Variants in PRKCE observed in about 807,000 individuals in gnomAD.
PRKCE encodes the protein protein kinase C epsilon, also known as protein kinase C epsilon type.
PRKCE carries 16 observed loss-of-function variants against 85.4 expected under a neutral mutation model. The ratio of observed to expected loss-of-function variants is 0.19; its 90% CI spans 0.13 to 0.28. The LOEUF (loss-of-function observed/expected upper bound fraction) is 0.28, where lower values mean the gene tolerates loss of function less well. PRKCE is among the 10% of genes least tolerant of loss of function. PRKCE has a pLI of 1.00. For missense variants in PRKCE, 573 were observed against 975.2 expected, an observed-to-expected ratio of 0.59 and a Z score of 5.49; for synonymous variants, 388 against 371.5, an observed-to-expected ratio of 1.04 and a Z score of -0.51.
intron 2 of PRKCE, among the ~76,000 whole-genome samples, chr2:45,893,337 T>A (rs1695876326): frequency 1.1e-5 from 1 of 88,130 alleles, no homozygotes; most frequent in African/African-American, 4.3e-5. Flanking sequence ...CTGGCTCATG[T>A]CTTTTCTTTT....
At chr2:45,730,367 A>G (rs921278949) in intron 1 of PRKCE, among the ~76,000 whole-genome samples, 10 of 151,842 alleles carry the variant, frequency 6.6e-5, no homozygotes, top group Admixed American at 6.6e-4. Flanking sequence ...TGTGTTGCCC[A>G]GGCTGGTCTC....
At chr2:45,859,354 G>T (rs1402493337) in intron 2 of PRKCE, among the ~76,000 whole-genome samples, 1 of 152,074 alleles carries the variant, frequency 6.6e-6, no homozygotes, top group East Asian at 1.9e-4. Context: ...GGTAAATGAT[G>T]GTTCAACAGA....
At chr2:45,969,049 A>G (rs56292768) in intron 2 of PRKCE, among the ~76,000 whole-genome samples, 24,273 of 147,006 alleles carry the variant, frequency 0.17, 3,863 homozygotes, top group African/African-American at 0.32. Context: ...GGGCTGTAAA[A>G]TATTCATTGA....
intron 11 of PRKCE, among the ~76,000 whole-genome samples, chr2:46,097,452 G>A (rs1277896069): frequency 3.3e-5 from 5 of 149,794 alleles, no homozygotes; most frequent in African/African-American, 4.9e-5. Flanking sequence ...CCTGGGAGGC[G>A]GAGCTTGCAG....
At chr2:45,921,892 T>A (rs1698276008) in intron 2 of PRKCE, among the ~76,000 whole-genome samples, 1 of 152,208 alleles carries the variant, frequency 6.6e-6, no homozygotes, top group South Asian at 2.1e-4. Context: ...GTCAACTGAT[T>A]TCTATATTGT....
chr2:46,102,786 A>G (rs1042516837), intron 11 of PRKCE, among the ~76,000 whole-genome samples: 1 of 152,210 alleles, frequency 6.6e-6, no homozygotes, highest in African/African-American at 2.4e-5. Flanking sequence ...TTAGACAGGA[A>G]TACCTCAGAG....
At chr2:45,975,835 T>C (rs1702413228) in intron 2 of PRKCE, among the ~76,000 whole-genome samples, 1 of 152,156 alleles carries the variant, frequency 6.6e-6, no homozygotes, top group African/African-American at 2.4e-5. Context: ...TATTTCCCTC[T>C]CCTTTTGACC....
chr2:45,829,898 C>A (rs1238642940), intron 1 of PRKCE, among the ~76,000 whole-genome samples: 1 of 151,530 alleles, frequency 6.6e-6, no homozygotes, highest in Admixed American at 6.6e-5. Context: ...ACGGTGAAAC[C>A]CCGTCTCTAC....
chr2:45,860,512 C>T (rs1299934772), intron 2 of PRKCE, among the ~76,000 whole-genome samples: 1 of 152,146 alleles, frequency 6.6e-6, no homozygotes, highest in Non-Finnish European at 1.5e-5. Context: ...TTTTCTTTGC[C>T]CTTCTGTATG....
intron 2 of PRKCE, among the ~76,000 whole-genome samples, chr2:45,863,110 G>T (rs1693301694): frequency 6.6e-6 from 1 of 152,138 alleles, no homozygotes; most frequent in African/African-American, 2.4e-5. Context: ...TGTCCTGTTA[G>T]TGTGTGCTTG....
intron 11 of PRKCE, among the ~76,000 whole-genome samples, chr2:46,141,275 C>T (rs1462636717): frequency 6.6e-6 from 1 of 152,112 alleles, no homozygotes; most frequent in African/African-American, 2.4e-5. Context: ...ATTATATAGC[C>T]ACAATAAAGA....
intron 10 of PRKCE, among the ~76,000 whole-genome samples, chr2:46,046,060 T>C (rs1485381809): frequency 6.6e-6 from 1 of 152,170 alleles, no homozygotes; most frequent in Non-Finnish European, 1.5e-5. Flanking sequence ...TCAGCTGTCA[T>C]GGGAAGATGG....
At chr2:45,849,797 A>G (rs1203676820) in intron 2 of PRKCE, among the ~76,000 whole-genome samples, 2 of 152,188 alleles carry the variant, frequency 1.3e-5, no homozygotes, top group East Asian at 1.9e-4. Context: ...CCACCCCGGC[A>G]TAACTTCTTC....
chr2:46,147,265 C>T (rs557846917), intron 12 of PRKCE, among the ~76,000 whole-genome samples: 2 of 152,330 alleles, frequency 1.3e-5, no homozygotes, highest in African/African-American at 2.4e-5. Flanking sequence ...CTGCTTTTCT[C>T]GTGTTCTTCG....
At chr2:45,930,248 G>T (rs1210154481) in intron 2 of PRKCE, among the ~76,000 whole-genome samples, 1 of 152,170 alleles carries the variant, frequency 6.6e-6, no homozygotes, top group African/African-American at 2.4e-5. Flanking sequence ...GGCTAACTTT[G>T]GTGTTTGGAA....
chr2:46,038,389 C>A (rs753327851), intron 10 of PRKCE, among the ~76,000 whole-genome samples: 10 of 151,952 alleles, frequency 6.6e-5, no homozygotes, highest in Non-Finnish European at 1.5e-4. Flanking sequence ...TATCATGGTA[C>A]AATGAAGAGT....
intron 1 of PRKCE, among the ~76,000 whole-genome samples, chr2:45,715,119 A>T (rs751275079): frequency 1.3e-5 from 2 of 152,252 alleles, no homozygotes; most frequent in African/African-American, 4.8e-5. Flanking sequence ...GGTTGAATGC[A>T]TAACTCATTC....
intron 10 of PRKCE, among the ~76,000 whole-genome samples, chr2:46,064,057 G>A (rs1331786260): frequency 1.3e-5 from 2 of 151,958 alleles, no homozygotes; most frequent in African/African-American, 2.4e-5. Flanking sequence ...CGAGGTGGGC[G>A]GATCACTTGA....
At chr2:45,819,764 T>C (rs1009730895) in intron 1 of PRKCE, among the ~76,000 whole-genome samples, 1 of 152,232 alleles carries the variant, frequency 6.6e-6, no homozygotes, top group African/African-American at 2.4e-5. Context: ...CCCATGGTGG[T>C]GCTCTGGGAA....
Sources: allele counts gnomAD v4.1 joint callset (sites outside exome capture counted in the v4.1 genomes callset), GRCh38; gene constraint gnomAD v4.1.1; transcripts MANE v1.5; gene names NCBI Gene and HGNC (gene_info 2026-07-23, HGNC 2026-07-21).